The following DOCK3 variants were observed in gnomAD, a reference collection of about 807,000 sequenced individuals.
The protein encoded by DOCK3 is dedicator of cytokinesis protein 3.
In DOCK3, 60 loss-of-function variants were observed where a neutral mutation model predicts 265.6. The ratio of observed to expected loss-of-function variants is 0.23; its 90% confidence interval spans 0.18 to 0.28. The LOEUF is 0.28. Ranked by LOEUF, DOCK3 falls within the 10% of genes least tolerant of loss-of-function variation. The pLI is 1.00. For synonymous variants in DOCK3, 881 were observed against 938.0 expected (o/e 0.94, Z 1.11); for missense variants, 1,981 against 2,594.3 (o/e 0.76, Z 5.14).
chr3:50,960,232 G>A (rs2076850440), intron 5 of DOCK3, among the ~76,000 whole-genome samples: 1 of 151,928 alleles, frequency 6.6e-6, no homozygotes, highest in Admixed American at 6.6e-5. Context: ...AGTATTTCTG[G>A]GTCATATAGT....
intron 27 of DOCK3, among the ~76,000 whole-genome samples, chr3:51,293,983 T>G (rs564233788): frequency 6.6e-6 from 1 of 152,334 alleles, no homozygotes; most frequent in South Asian, 2.1e-4. Flanking sequence ...AGGGAACTCT[T>G]GTACACTGTT....
chr3:50,850,968 T>C (rs1377512560), intron 3 of DOCK3, among the ~76,000 whole-genome samples: 1 of 151,866 alleles, frequency 6.6e-6, no homozygotes, highest in African/African-American at 2.4e-5. Flanking sequence ...AGCTCCCTGC[T>C]CAGTCCCAGG....
intron 22 of DOCK3, among the ~76,000 whole-genome samples, chr3:51,251,654 C>G (rs933091181): frequency 5.9e-5 from 9 of 152,200 alleles, no homozygotes; most frequent in Non-Finnish European, 1.3e-4. Context: ...TGTTGGTTGG[C>G]TGCATAAATG....
chr3:51,246,559 T>C (rs1156849211), intron 21 of DOCK3, among the ~76,000 whole-genome samples, 167 bp from the exon 22 acceptor site: 1 of 152,224 alleles, frequency 6.6e-6, no homozygotes, highest in East Asian at 1.9e-4. Context: ...AGAGTGTTGT[T>C]TGTTCTCAGG....
intron 1 of DOCK3, among the ~76,000 whole-genome samples, chr3:50,729,981 G>A (rs1453479047): frequency 2.0e-5 from 3 of 151,724 alleles, no homozygotes; most frequent in Non-Finnish European, 4.4e-5. Flanking sequence ...ATCACACCCA[G>A]CTAATTTTTG....
chr3:51,180,077 C>T (rs2087193953), intron 12 of DOCK3, among the ~76,000 whole-genome samples: 1 of 151,668 alleles, frequency 6.6e-6, no homozygotes, highest in African/African-American at 2.4e-5. Flanking sequence ...GCGTGGTGGC[C>T]GGCACCTGTT....
At chr3:50,949,641 A>G in intron 5 of DOCK3, among the ~76,000 whole-genome samples, 1 of 152,130 alleles carries the variant, frequency 6.6e-6, no homozygotes, top group East Asian at 1.9e-4. Flanking sequence ...TCATTTAAAA[A>G]TTATTGATTC....
At position 51,322,168 on chromosome 3, in the gene DOCK3, TG is replaced by T. The variant is rs1332930593; in HGVS notation, c.3402+7045del. Among the ~76,000 whole-genome samples, 5 of 151,816 alleles carry T rather than the reference TG, an allele frequency of 3.3e-5. No individual in the cohort carries two copies. The East Asian group carries it at 9.7e-4, about 29-fold the overall frequency. On this transcript the variant is annotated intron_variant, in intron 32 of 52. Transcript: ENST00000266037. ...ACAAGCCAGAAAAGCCAGAAGAGAGTGGGGGCCAATATTCAACATTCTTTTG... is the reference window on the plus strand; with the variant it reads ...ACAAGCCAGAAAAGCCAGAAGAGAGTGGGGCCAATATTCAACATTCTTTTG...
intron 5 of DOCK3, among the ~76,000 whole-genome samples, chr3:50,941,596 A>G (rs1283592300): frequency 6.6e-6 from 1 of 152,126 alleles, no homozygotes; most frequent in Non-Finnish European, 1.5e-5. Context: ...TTCTGTTCAC[A>G]TAATAGCTTT....
chr3:51,235,882 C>T (rs1276406368), intron 19 of DOCK3, among the ~76,000 whole-genome samples: 2 of 152,156 alleles, frequency 1.3e-5, no homozygotes, highest in South Asian at 2.1e-4. Flanking sequence ...TAGGTAAAGC[C>T]TAACTTGCCA....
chr3:50,694,983 A>G (rs907627604), intron 1 of DOCK3, among the ~76,000 whole-genome samples: 1 of 152,344 alleles, frequency 6.6e-6, no homozygotes, highest in Middle Eastern at 3.4e-3. Flanking sequence ...AACTAAGCCG[A>G]AAGGTTAGCA....
rs13314195 is a variant in DOCK3 at position 50,784,855 on chromosome 3, A to C, written c.121+6097A>C. ...GTGTAGCAGTGCTACAAATTTGTGCACATCAATTTTGCATCCTGTGGCCAG... is the reference window on the plus strand; with the variant it reads ...GTGTAGCAGTGCTACAAATTTGTGCCCATCAATTTTGCATCCTGTGGCCAG... On this transcript the variant is annotated intron_variant, in intron 2 of 52. Transcript: ENST00000266037. Among the ~76,000 whole-genome samples, 434 of 152,302 alleles carry C rather than the reference A, an allele frequency of 2.8e-3. 1 individual carries two copies. The highest frequency in any genetic ancestry group is 1.0e-2 in the African/African-American group (414 of 41,570).
chr3:51,291,231 C>T (rs1181221554), intron 27 of DOCK3, among the ~76,000 whole-genome samples: 2 of 151,762 alleles, frequency 1.3e-5, no homozygotes, highest in Admixed American at 1.3e-4. Context: ...CAATGTCACA[C>T]CTCAAGGAAC....
intron 32 of DOCK3, among the ~76,000 whole-genome samples, chr3:51,324,327 A>G (rs1306589220): frequency 1.3e-5 from 2 of 152,226 alleles, no homozygotes; most frequent in Non-Finnish European, 2.9e-5. Flanking sequence ...CACAATTGCT[A>G]CAAAGAGAAT....
At chr3:51,289,800 G>A (rs2081628036) in intron 27 of DOCK3, among the ~76,000 whole-genome samples, 1 of 151,988 alleles carries the variant, frequency 6.6e-6, no homozygotes, top group Non-Finnish European at 1.5e-5. Flanking sequence ...CTGACAAAGG[G>A]CTAATATCCA....
At chr3:50,847,734 A>C (rs1304363177) in intron 3 of DOCK3, among the ~76,000 whole-genome samples, 1 of 152,010 alleles carries the variant, frequency 6.6e-6, no homozygotes, top group African/African-American at 2.4e-5. Context: ...AAACACAAAA[A>C]TCAGCCGGGC....
intron 5 of DOCK3, among the ~76,000 whole-genome samples, chr3:50,972,495 A>G (rs1219493943): frequency 6.6e-6 from 1 of 152,254 alleles, no homozygotes; most frequent in Admixed American, 6.5e-5. Flanking sequence ...ACAGATGGGC[A>G]GCTCTAAGGC....
chr3:51,056,607 C>G (rs563457869), intron 5 of DOCK3, among the ~76,000 whole-genome samples: 1 of 152,208 alleles, frequency 6.6e-6, no homozygotes, highest in African/African-American at 2.4e-5. Context: ...GTCTAGAAAT[C>G]TTTTCATTAT....
chr3:51,220,385 G>A lies in DOCK3; in HGVS notation c.1253-5264G>A, dbSNP rs9799318. Among the ~76,000 whole-genome samples the A allele has an allele frequency of 4.1e-3, 617 of 151,890 alleles. 20 individuals carry two copies. Among genetic ancestry groups the A allele is most frequent in the Admixed American group, 0.034 (511 of 15,242 alleles). On this transcript the variant is annotated intron_variant, in intron 14 of 52. Coordinates refer to ENST00000266037, the MANE Select transcript of DOCK3 (RefSeq NM_004947.5). ...TATTAAATATTATTGGGCAGGGTGC[G>A]GTGGCTCACGTGTGTAATCCCAGCA...
Sources: allele counts gnomAD v4.1 joint callset (sites outside exome capture counted in the v4.1 genomes callset), GRCh38; gene constraint gnomAD v4.1.1; transcripts MANE v1.5; gene names NCBI Gene and HGNC (gene_info 2026-07-23, HGNC 2026-07-21).